RPS24: variants seen among roughly 807,000 people sequenced by gnomAD.
The protein encoded by RPS24 is ribosomal protein S24.
For missense variants in RPS24, 100 were observed against 162.5 expected (o/e 0.62, Z 2.09); for synonymous variants, 72 against 55.6 (o/e 1.30, Z -1.31).
intron 4 of RPS24, 99 bp downstream of exon 4, chr10:78,037,403 A>G: frequency 2.0e-6 from 3 of 1,488,302 alleles, no homozygotes; most frequent in Non-Finnish European, 1.8e-6. Context: ...AACTTTTCTT[A>G]ATGTTTCTTC....
At chr10:78,041,263 A>C (rs926621152), downstream of RPS24, among the ~76,000 whole-genome samples, 1 of 152,218 alleles carries the variant, frequency 6.6e-6, no homozygotes, top group Non-Finnish European at 1.5e-5. Context: ...TTGAGGTTGC[A>C]GGAAGGAAGG....
chr10:78,050,117 C>T (rs1848083816), intron 4 of RPS24, among the ~76,000 whole-genome samples: 1 of 151,734 alleles, frequency 6.6e-6, no homozygotes, highest in Non-Finnish European at 1.5e-5. Context: ...ATCAGCTCTT[C>T]CTTCTCCCCT....
At chr10:78,051,705 C>G (rs367904787) in intron 4 of RPS24, among the ~76,000 whole-genome samples, 19 of 152,332 alleles carry the variant, frequency 1.2e-4, no homozygotes, top group African/African-American at 3.6e-4. Flanking sequence ...TCTAATTTCT[C>G]CACATCCTTC....
At chr10:78,051,205 A>G (rs907952056) in intron 4 of RPS24, among the ~76,000 whole-genome samples, 11 of 152,192 alleles carry the variant, frequency 7.2e-5, no homozygotes, top group African/African-American at 2.7e-4. Context: ...AACAACAACA[A>G]AAAGAAACCC....
downstream of RPS24, among the ~76,000 whole-genome samples, chr10:78,042,833 G>C (rs1848000275): frequency 6.6e-6 from 1 of 152,126 alleles, no homozygotes; most frequent in South Asian, 2.1e-4. Context: ...AGCTGGATGT[G>C]CCTATGTAAT....
chr10:78,037,108 T>G, intron 3 of RPS24, 86 bp from the exon 4 acceptor site: 1 of 1,514,272 alleles, frequency 6.6e-7, no homozygotes, highest in Non-Finnish European at 9.0e-7. Flanking sequence ...TTTCTTAAGC[T>G]CAGACTGGGT....
At chr10:78,044,844 A>T (rs931437275), downstream of RPS24, among the ~76,000 whole-genome samples, 1 of 151,156 alleles carries the variant, frequency 6.6e-6, no homozygotes, top group Non-Finnish European at 1.5e-5. Context: ...GGAGAATTAG[A>T]TGTTCTGCAG....
rs1848136858 is a variant in RPS24 at position 78,054,976 on chromosome 10, C to T, written c.836C>T (p.Ser279Phe). 7 of 1,482,028 alleles carry T rather than the reference C, an allele frequency of 4.7e-6. No individual in the cohort carries two copies. The East Asian group carries it at 1.7e-4, about 37-fold the overall frequency. 91.8% of individuals were successfully genotyped at this position (1,482,028 alleles called of 1,614,324 possible). The change falls in exon 5 of 5, where the codon TCC (serine) becomes TTC (phenylalanine). Residue 279 changes from serine (S) to phenylalanine (F), a missense_variant. Ser to Phe is a radical substitution (Grantham distance 155). Transcript: ENST00000440692. ...ATCCACCAGGAATCCAGCTGCTTCT[C>T]CCCACCTTCCTGCCTCTCTGGTCTG...
intron 4 of RPS24, among the ~76,000 whole-genome samples, chr10:78,047,777 T>A (rs115753394): frequency 0.012 from 1,821 of 152,270 alleles, 33 homozygotes; most frequent in African/African-American, 0.04. Context: ...GCGGTTTCTA[T>A]TGGGGGAGGT....
downstream of RPS24, among the ~76,000 whole-genome samples, chr10:78,043,039 T>G (rs1403048472): frequency 6.6e-6 from 1 of 152,146 alleles, no homozygotes; most frequent in Non-Finnish European, 1.5e-5. Flanking sequence ...GGAGTCTCAC[T>G]GTCACCCAGG....
Position 78,035,578 on chromosome 10 carries a change from A to G in RPS24, c.137A>G (p.Lys46Arg). Reference protein sequence around the residue: ...PKTEIREKLAKMYKTTPDVIF... With the variant: ...PKTEIREKLARMYKTTPDVIF... ...ACAGAAATTCGGGAAAAACTAGCCAAAATGTACAAGACCACACCGGATGTC... is the reference window on the plus strand; with the variant it reads ...ACAGAAATTCGGGAAAAACTAGCCAGAATGTACAAGACCACACCGGATGTC... Residue 46 changes from lysine (K) to arginine (R), a missense_variant, in exon 3 of 6, where the codon AAA (lysine) becomes AGA (arginine). Transcript: ENST00000372360. 6.2e-7 allele frequency: 1 copy of G among 1,614,066 alleles called. No homozygotes were observed. The highest frequency in any genetic ancestry group is 1.1e-5 in the South Asian group (1 of 91,078).
At chr10:78,043,105 G>T (rs990894679), downstream of RPS24, among the ~76,000 whole-genome samples, 2 of 152,120 alleles carry the variant, frequency 1.3e-5, no homozygotes, top group Non-Finnish European at 2.9e-5. Context: ...ACGGGTTCAC[G>T]CCATTCTCCT....
At chr10:78,045,028 G>A (rs1206850478), downstream of RPS24, among the ~76,000 whole-genome samples, 7 of 151,958 alleles carry the variant, frequency 4.6e-5, no homozygotes. Flanking sequence ...CACTCTTGTT[G>A]CCCCGGCTGG....
At chr10:78,045,239 C>T (rs138794826), downstream of RPS24, among the ~76,000 whole-genome samples, 55 of 152,164 alleles carry the variant, frequency 3.6e-4, no homozygotes, top group African/African-American at 1.1e-3. Context: ...CTGCCCACCC[C>T]GCCTCCCAAA....
intron 3 of RPS24, chr10:78,035,923 G>A: frequency 3.4e-6 from 2 of 586,922 alleles, no homozygotes; most frequent in South Asian, 3.9e-5. Context: ...GAGTTCAGAA[G>A]GGCAGCTGAA....
chr10:78,040,651 G>C lies in RPS24; in HGVS notation c.*56G>C. 1.2e-6 allele frequency: 2 copies of C among 1,614,064 alleles called. No homozygotes were observed. The highest frequency in any genetic ancestry group is 1.7e-6 in the Non-Finnish European group (2 of 1,179,928). ...AAGGTGCTGCAATGATGTTAGCTGT[G>C]GCCACTGTGGATTTTTCGCAAGAAC... On this transcript the variant is annotated 3_prime_UTR_variant, in exon 6 of 6. Coordinates refer to ENST00000372360, the MANE Select transcript of RPS24 (RefSeq NM_033022.4).
intron 4 of RPS24, chr10:78,037,902 C>CTTTTTTTTTT (rs55902139): frequency 7.1e-5 from 27 of 379,920 alleles, no homozygotes; most frequent in Admixed American, 4.2e-4. Context: ...GTTCTGTGAA[C>CTTTTTTTTTT]TTTTTTTTTT....
rs771537136 is a variant in RPS24, at chr10:78,035,683, A to G, written c.242A>G (p.Tyr81Cys). The G allele has an allele frequency of 6.2e-7, 1 of 1,603,236 alleles. No homozygotes were observed. Among genetic ancestry groups the G allele is most frequent in the Admixed American group, 1.7e-5 (1 of 60,002 alleles). Residue 81 changes from tyrosine to cysteine, a missense_variant, in exon 3 of 6, where the codon TAT (tyrosine) becomes TGT (cysteine). Physicochemically the swap from Tyr to Cys is radical, Grantham distance 194. Transcript: ENST00000372360. ...GFGMIYDSLD[Y>C]AKKNEPKHRL... Reference sequence around the variant, plus strand: ...GGCATGATTTATGATTCCCTGGATTATGCAAAGAAAAATGAACCCAAACAT... The same window carrying G: ...GGCATGATTTATGATTCCCTGGATTGTGCAAAGAAAAATGAACCCAAACAT...
chr10:78,048,238 C>T (rs1177833609), intron 4 of RPS24, among the ~76,000 whole-genome samples: 22 of 152,182 alleles, frequency 1.4e-4, no homozygotes, highest in Non-Finnish European at 1.5e-5. Context: ...AAGTCCATAT[C>T]TTCAGACATC....
Sources: gnomAD v4.1 joint callset for allele counts (sites outside exome capture counted in the v4.1 genomes callset) on GRCh38, gnomAD v4.1.1 for gene constraint, MANE v1.5 for transcripts, NCBI Gene and HGNC (gene_info 2026-07-23, HGNC 2026-07-21) for gene names.